The following NFATC3 variants were observed in gnomAD, a reference collection of about 807,000 sequenced individuals.
The protein encoded by NFATC3 is nuclear factor of activated T-cells, cytoplasmic 3.
NFATC3 carries 46 observed loss-of-function variants against 98.6 expected under a neutral mutation model. The ratio of observed to expected loss-of-function variants is 0.47; its 90% CI spans 0.37 to 0.60. The LOEUF is 0.60. NFATC3 is among the 20% of genes least tolerant of loss of function. The pLI is 0.00. For missense variants in NFATC3, 1,256 were observed against 1,295.5 expected (o/e 0.97, Z 0.47); for synonymous variants, 512 against 472.2 (o/e 1.08, Z -1.09).
intron 2 of NFATC3, among the ~76,000 whole-genome samples, chr16:68,125,659 C>T (rs369933558): frequency 6.6e-6 from 1 of 151,998 alleles, no homozygotes; most frequent in East Asian, 1.9e-4. Flanking sequence ...GATAGACATC[C>T]TGACACAGAG....
chr16:68,192,242 T>TATATATAC (rs2040457229), intron 9 of NFATC3: 1 of 111,688 alleles, frequency 9.0e-6, no homozygotes, highest in African/African-American at 3.0e-5. Flanking sequence ...TATATATATA[T>TATATATAC]ATATATATAT....
chr16:68,085,409 T>A lies in NFATC3; in HGVS notation c.-273T>A, dbSNP rs535966639. 1 of 146,960 alleles carries A rather than the reference T, an allele frequency of 6.8e-6. No individual in the cohort carries two copies. Among genetic ancestry groups the A allele is most frequent in the Admixed American group, 1.2e-4 (1 of 8,320 alleles). 9.1% of individuals were successfully genotyped at this position (146,960 alleles called of 1,614,324 possible). ...CACCCGCGGCGGCGGTGGCGGCGAC[T>A]GTGGGGGGGCGGCGGGGAACATTGG... On this transcript the variant is annotated 5_prime_UTR_variant, in exon 1 of 10. Coordinates refer to ENST00000346183, the MANE Select transcript of NFATC3 (RefSeq NM_173165.3).
chr16:68,205,778 A>G (rs1350070353), intron 9 of NFATC3, among the ~76,000 whole-genome samples: 1 of 152,200 alleles, frequency 6.6e-6, no homozygotes, highest in East Asian at 1.9e-4. Context: ...GTAATATAGA[A>G]TCTTGAGAGA....
At chr16:68,098,526 TCCTGAGCTCGTGATCCACCCGC>T (rs1417408259) in intron 1 of NFATC3, among the ~76,000 whole-genome samples, 1 of 152,074 alleles carries the variant, frequency 6.6e-6, no homozygotes, top group East Asian at 1.9e-4. Flanking sequence ...GGTCACAATC[TCCTGAGCTCGTGATCCACCCGC>T]CTCAGCGTCC....
chr16:68,192,208 G>T, intron 9 of NFATC3: 1 of 47,124 alleles, frequency 2.1e-5, no homozygotes, highest in Non-Finnish European at 3.1e-5. Context: ...ACTCCGTCTC[G>T]GGAAAAAAAA....
chr16:68,184,275 G>A (rs1159381212), intron 8 of NFATC3, among the ~76,000 whole-genome samples: 9 of 151,928 alleles, frequency 5.9e-5, no homozygotes. Context: ...AGAGGGGATA[G>A]GATTTAAAAT....
chr16:68,088,922 C>T (rs2034553607), intron 1 of NFATC3: 1 of 974,314 alleles, frequency 1.0e-6, no homozygotes. Flanking sequence ...TCTGGCTTCC[C>T]AAAATGCTGG....
At chr16:68,175,979 C>T (rs2039679269) in intron 6 of NFATC3, among the ~76,000 whole-genome samples, 1 of 151,988 alleles carries the variant, frequency 6.6e-6, no homozygotes, top group African/African-American at 2.4e-5. Flanking sequence ...TGAATTGACC[C>T]TTGCTTTTCT....
At chr16:68,144,771 C>A (rs978842913) in intron 3 of NFATC3, among the ~76,000 whole-genome samples, 1 of 152,058 alleles carries the variant, frequency 6.6e-6, no homozygotes, top group Non-Finnish European at 1.5e-5. Flanking sequence ...GATTCTCCTG[C>A]CTCAGTCTTA....
intron 8 of NFATC3, among the ~76,000 whole-genome samples, chr16:68,184,702 G>A (rs2151631733): frequency 6.6e-6 from 1 of 152,194 alleles, no homozygotes; most frequent in East Asian, 1.9e-4. Flanking sequence ...TACTCAGGAG[G>A]CTGAGGCAGG....
intron 1 of NFATC3, among the ~76,000 whole-genome samples, chr16:68,105,091 GT>G (rs1171881277): frequency 8.1e-4 from 109 of 134,636 alleles, no homozygotes; most frequent in Non-Finnish European, 9.3e-4. Flanking sequence ...GACTGTGTGG[GT>G]TTTTTTTTTT....
intron 1 of NFATC3, among the ~76,000 whole-genome samples, chr16:68,092,537 G>T (rs1164361940): frequency 8.4e-6 from 1 of 118,438 alleles, no homozygotes; most frequent in Non-Finnish European, 1.9e-5. Flanking sequence ...TGAGGCAGGC[G>T]GATCACGAGG....
intron 9 of NFATC3, among the ~76,000 whole-genome samples, chr16:68,196,630 G>T (rs2040683547): frequency 1.3e-5 from 2 of 151,790 alleles, no homozygotes; most frequent in Admixed American, 1.3e-4. Context: ...GGAGGTGGAG[G>T]TTGCAGTGAG....
intron 1 of NFATC3, among the ~76,000 whole-genome samples, chr16:68,118,049 T>G (rs2151493935): frequency 6.6e-6 from 1 of 152,356 alleles, no homozygotes; most frequent in East Asian, 1.9e-4. Flanking sequence ...AGTTGTTAAC[T>G]CTAGCCATCT....
intron 6 of NFATC3, among the ~76,000 whole-genome samples, chr16:68,179,986 G>C (rs538841318): frequency 1.3e-5 from 2 of 152,254 alleles, no homozygotes; most frequent in African/African-American, 4.8e-5. Context: ...TCCCAAGAAA[G>C]CTTCCCCGCC....
chr16:68,209,155 A>C (rs1190790035), intron 9 of NFATC3, among the ~76,000 whole-genome samples: 1 of 152,106 alleles, frequency 6.6e-6, no homozygotes, highest in Non-Finnish European at 1.5e-5. Context: ...ATATTGAGGA[A>C]ATTCCTTCTA....
chr16:68,123,690 A>C (rs2036670139), intron 2 of NFATC3, among the ~76,000 whole-genome samples: 1 of 151,972 alleles, frequency 6.6e-6, no homozygotes, highest in Non-Finnish European at 1.5e-5. Flanking sequence ...TTATAATATG[A>C]ATTTAATTAC....
Position 68,191,054 on chromosome 16 carries a change from A to G in NFATC3, c.2385A>G (p.Thr795=). The G allele has an allele frequency of 1.2e-6, 2 of 1,614,022 alleles. No homozygotes were observed. The highest frequency in any genetic ancestry group is 8.5e-7 in the Non-Finnish European group (1 of 1,180,002). The stretch of plus-strand genomic sequence containing the variant: ...ACCAGCCTTTTCAAGTCACACCAAC[A>G]CCTCCTGTGGGGTCTTCCTATCAGC... ...IVHQPFQVTP[T]PPVGSSYQPM... Residue 795 remains threonine (T), a synonymous_variant, in exon 9 of 10, where the codon ACA becomes ACG. Coordinates refer to ENST00000346183, the MANE Select transcript of NFATC3 (RefSeq NM_173165.3).
intron 2 of NFATC3, among the ~76,000 whole-genome samples, chr16:68,125,563 G>T (rs1475374191): frequency 6.6e-6 from 1 of 152,184 alleles, no homozygotes; most frequent in African/African-American, 2.4e-5. Flanking sequence ...CAGTAGGAAG[G>T]AAGTAGGGAA....
Sources: gnomAD v4.1 joint callset for allele counts (sites outside exome capture counted in the v4.1 genomes callset) on GRCh38, gnomAD v4.1.1 for gene constraint, MANE v1.5 for transcripts, NCBI Gene and HGNC (gene_info 2026-07-23, HGNC 2026-07-21) for gene names.